The following PKHD1L1 variants were observed in gnomAD, a reference collection of about 807,000 sequenced individuals.
The protein encoded by PKHD1L1 is fibrocystin-L.
In PKHD1L1, 434 loss-of-function variants were observed where a neutral mutation model predicts 462.9. The ratio of observed to expected loss-of-function variants is 0.94; its 90% confidence interval spans 0.87 to 1.02. The LOEUF is 1.02. Among genes scored for constraint, PKHD1L1 ranks in the 50% least tolerant of loss-of-function variants. The pLI, the probability that PKHD1L1 is intolerant of heterozygous loss-of-function variation, is 0.00. For missense variants in PKHD1L1, 5,202 were observed against 5,096.1 expected, an observed-to-expected ratio of 1.02 and a Z score of -0.63; for synonymous variants, 1,781 against 1,750.0, an observed-to-expected ratio of 1.02 and a Z score of -0.44.
At chr8:109,479,431 C>CG in intron 53 of PKHD1L1, 120 bp from the exon 54 acceptor site, 1 of 613,038 alleles carries the variant, frequency 1.6e-6, no homozygotes, top group Non-Finnish European at 2.7e-6. Flanking sequence ...ACAAAGCGTG[C>CG]ATTTTTTTTC....
chr8:109,447,808 G>T (rs555763275), intron 38 of PKHD1L1, among the ~76,000 whole-genome samples: 1 of 152,170 alleles, frequency 6.6e-6, no homozygotes. Flanking sequence ...AACCCATGCT[G>T]CTCAGACATT....
In PKHD1L1 at chr8:109,507,892, A is replaced by G; in HGVS notation, c.11224A>G (p.Lys3742Glu). The change falls in exon 69 of 78, where the codon AAA (lysine) becomes GAA (glutamate). Residue 3742 changes from lysine to glutamate, a missense_variant. Around this residue, in one of 3 missense-constraint regions of PKHD1L1, gnomAD observed 698 missense variants for 736.3 expected, o/e 0.95. Transcript: ENST00000378402. The part of the protein sequence containing the change: ...RIPVTEKAPH[K>E]GIIRDSTCKY... The stretch of plus-strand genomic sequence containing the variant: ...TCCTGTCACTGAGAAAGCACCTCAT[A>G]AAGGTTTGTTGGATCTTGCTTAATC... 6.2e-7 allele frequency: 1 copy of G among 1,613,414 alleles called. No homozygotes were observed. Among genetic ancestry groups the G allele is most frequent in the Non-Finnish European group, 8.5e-7 (1 of 1,179,530 alleles).
chr8:109,497,382 C>A, intron 65 of PKHD1L1, 110 bp downstream of exon 65: 5 of 1,292,134 alleles, frequency 3.9e-6, no homozygotes, highest in Non-Finnish European at 5.2e-6. Context: ...CTGTCTCGCC[C>A]ACACCTCCCT....
intron 62 of PKHD1L1, 59 bp from the exon 63 acceptor site, chr8:109,493,602 G>A (rs143156787): frequency 2.0e-5 from 22 of 1,120,414 alleles, no homozygotes; most frequent in Admixed American, 4.7e-5. Context: ...ACTTACTCTC[G>A]ATTTATATAA....
intron 62 of PKHD1L1, among the ~76,000 whole-genome samples, chr8:109,492,820 G>T (rs1364144746): frequency 6.6e-6 from 1 of 151,514 alleles, no homozygotes; most frequent in African/African-American, 2.4e-5. Context: ...TGACTGTTTT[G>T]CTGACACCAT....
chr8:109,442,050 G>A lies in PKHD1L1; in HGVS notation c.4248G>A (p.Val1416=). The A allele has an allele frequency of 1.2e-6, 2 of 1,613,116 alleles. No homozygotes were observed. Among genetic ancestry groups the A allele is most frequent in the South Asian group, 2.2e-5 (2 of 90,998 alleles). ...CCTGGTCACCACCAGTCCTAAATGT[G>A]TCTGTGGGGGACACAGTGGCATGGC... ...GYAWSPPVLN[V]SVGDTVAWHW... is the part of the protein sequence containing the mutation. Residue 1416 remains valine, a synonymous_variant, in exon 35 of 78, where the codon GTG becomes GTA. Coordinates refer to ENST00000378402, the MANE Select transcript of PKHD1L1 (RefSeq NM_177531.6).
chr8:109,470,287 T>C, intron 50 of PKHD1L1: 1 of 1,475,994 alleles, frequency 6.8e-7, no homozygotes, highest in South Asian at 1.1e-5. Context: ...TAGCCATACT[T>C]GTAACTGCAA....
chr8:109,523,260 G>T lies in PKHD1L1; in HGVS notation c.12358G>T (p.Ala4120Ser). 1 of 1,605,720 alleles carries T rather than the reference G, an allele frequency of 6.2e-7. No individual in the cohort carries two copies. Reference protein sequence around the residue: ...DGNCVSVGITALTLRAILKDS... With the variant: ...DGNCVSVGITSLTLRAILKDS... ...TAACTGTGTATCAGTTGGAATTACTGCACTAACTTTGAGGGCCATACTCAA... is the reference window on the plus strand; with the variant it reads ...TAACTGTGTATCAGTTGGAATTACTTCACTAACTTTGAGGGCCATACTCAA... Residue 4120 changes from alanine (A) to serine (S), a missense_variant, in exon 76 of 78, where the codon GCA (alanine) becomes TCA (serine). By Grantham distance (99) the Ala-to-Ser change is moderately conservative (BLOSUM62 1). Transcript: ENST00000378402.
At chr8:109,440,395 T>A (rs1190971806) in intron 32 of PKHD1L1, among the ~76,000 whole-genome samples, 7 of 152,092 alleles carry the variant, frequency 4.6e-5, no homozygotes, top group Non-Finnish European at 1.0e-4. Flanking sequence ...AAAATATTTT[T>A]AAAAATCTAA....
intron 60 of PKHD1L1, 46 bp from the exon 61 acceptor site, chr8:109,490,926 T>A (rs954381937): frequency 4.8e-6 from 7 of 1,454,490 alleles, no homozygotes; most frequent in Non-Finnish European, 6.5e-6. Flanking sequence ...AAAAATATAT[T>A]GTAATTTTAT....
At chr8:109,370,296 A>G (rs993246423) in intron 2 of PKHD1L1, among the ~76,000 whole-genome samples, 9 of 151,780 alleles carry the variant, frequency 5.9e-5, no homozygotes, top group African/African-American at 2.4e-5. Context: ...TTATATTTTT[A>G]GTAGAGACAG....
rs1038346428 is a variant in PKHD1L1, at chr8:109,532,879, ATAAAG to A, written c.*2795_*2799del. On this transcript the variant is annotated 3_prime_UTR_variant, in exon 78 of 78. Transcript: ENST00000378402. The stretch of plus-strand genomic sequence containing the variant: ...GCACTAATAATAACAATAATCAATA[ATAAAG>A]TAAAGGTTTATCACATGTTCACTAC... Among the ~76,000 whole-genome samples the A allele has an allele frequency of 2.6e-5, 4 of 152,234 alleles. No homozygotes were observed. Among genetic ancestry groups the A allele is most frequent in the Admixed American group, 1.3e-4 (2 of 15,284 alleles).
At chr8:109,442,504 G>T (rs1439420595) in intron 35 of PKHD1L1, among the ~76,000 whole-genome samples, 1 of 152,108 alleles carries the variant, frequency 6.6e-6, no homozygotes, top group Non-Finnish European at 1.5e-5. Flanking sequence ...AAACCAATCT[G>T]GTAGCAAGCG....
rs776679364 is a variant in PKHD1L1, at chr8:109,408,169, C to G, written c.1934C>G (p.Ala645Gly). The change falls in exon 18 of 78, where the codon GCT becomes GGT. Residue 645 changes from alanine (A) to glycine (G), a missense_variant. Ala to Gly is a moderately conservative substitution (Grantham distance 60). Around this residue, in one of 3 missense-constraint regions of PKHD1L1, gnomAD observed 4,497 missense variants for 4,336.8 expected, o/e 1.04. Coordinates refer to ENST00000378402, the MANE Select transcript of PKHD1L1 (RefSeq NM_177531.6). ...ETFTLNWDGI[A>G]SKPLTLWSSE... Reference sequence around the variant, plus strand: ...TTCACACTGAATTGGGATGGGATCGCTTCTAAGCCACTCACTCTATGGTCA... The same window carrying G: ...TTCACACTGAATTGGGATGGGATCGGTTCTAAGCCACTCACTCTATGGTCA... 6.4e-5 allele frequency: 103 copies of G among 1,612,720 alleles called. No homozygotes were observed. The highest frequency in any genetic ancestry group is 8.0e-5 in the Non-Finnish European group (94 of 1,179,194).
intron 50 of PKHD1L1, among the ~76,000 whole-genome samples, chr8:109,473,589 C>T (rs545875684): frequency 2.0e-4 from 30 of 151,938 alleles, no homozygotes; most frequent in African/African-American, 6.5e-4. Flanking sequence ...TTGAGTTCTG[C>T]AAATCCAGGA....
Position 109,376,648 on chromosome 8 carries a change from C to A in PKHD1L1, c.164-4722C>A, listed in dbSNP as rs970104260. Among the ~76,000 whole-genome samples the A allele has an allele frequency of 2.3e-4, 35 of 152,162 alleles. 1 individual carries two copies. The highest frequency in any genetic ancestry group is 2.9e-5 in the Non-Finnish European group (2 of 68,026). ...TATTAGGCCGTCTTGACTCCACCCC[C>A]CAAATCTCAGGATTTTTGTGACAAA... is the stretch of plus-strand genomic sequence containing the variant. On this transcript the variant is annotated intron_variant, in intron 2 of 77. Coordinates refer to ENST00000378402, the MANE Select transcript of PKHD1L1 (RefSeq NM_177531.6).
chr8:109,374,619 G>A (rs1185698582), intron 2 of PKHD1L1, among the ~76,000 whole-genome samples: 1 of 152,196 alleles, frequency 6.6e-6, no homozygotes, highest in African/African-American at 2.4e-5. Flanking sequence ...AATTTGGCAT[G>A]TTTTTACAGT....
intron 10 of PKHD1L1, 49 bp downstream of exon 10, chr8:109,394,534 G>A: frequency 8.2e-7 from 1 of 1,217,392 alleles, no homozygotes; most frequent in South Asian, 1.8e-5. Flanking sequence ...GGAAGGCAGT[G>A]TATAATTGAT....
At chr8:109,438,520 T>A in intron 31 of PKHD1L1, 64 bp downstream of exon 31, 5 of 1,401,680 alleles carry the variant, frequency 3.6e-6, no homozygotes, top group Non-Finnish European at 3.8e-6. Flanking sequence ...CTAGAAAGGC[T>A]TTTGAAGCAT....
Sources: gnomAD v4.1 joint callset for allele counts (sites outside exome capture counted in the v4.1 genomes callset) on GRCh38, gnomAD v4.1.1 for gene constraint, gnomAD v4.1.1 regional missense constraint, MANE v1.5 for transcripts, NCBI Gene and HGNC (gene_info 2026-07-23, HGNC 2026-07-21) for gene names.